Variants in TOGARAM1 observed in about 807,000 individuals in gnomAD.
The protein encoded by TOGARAM1 is TOG array regulator of axonemal microtubules protein 1.
Under a neutral mutation model 166.6 loss-of-function variants are expected in TOGARAM1, and 100 were observed. The observed-to-expected ratio is 0.60, with a 90% CI of 0.51 to 0.71. The LOEUF is 0.71. TOGARAM1 is among the 30% of genes least tolerant of loss of function. The pLI is 0.00. For missense variants in TOGARAM1, 2,029 were observed against 2,102.7 expected, an observed-to-expected ratio of 0.96 and a Z score of 0.69; for synonymous variants, 758 against 763.8, an observed-to-expected ratio of 0.99 and a Z score of 0.13.
chr14:45,068,399 A>T (rs1883229047), intron 17 of TOGARAM1, 25 bp from the exon 18 acceptor site: 1 of 1,507,190 alleles, frequency 6.6e-7, no homozygotes, highest in Non-Finnish European at 9.1e-7. Context: ...ATTTTACTTT[A>T]AATAATTTAC....
intron 7 of TOGARAM1, among the ~76,000 whole-genome samples, chr14:45,019,331 A>G (rs540893386): frequency 6.6e-6 from 1 of 151,964 alleles, no homozygotes; most frequent in African/African-American, 2.4e-5. Flanking sequence ...TCTTATTTTC[A>G]TTCCTCTTAA....
Position 45,004,236 on chromosome 14 carries a change from G to A in TOGARAM1, c.2514G>A (p.Lys838=), listed in dbSNP as rs201409623. 23 of 1,613,930 alleles carry A rather than the reference G, an allele frequency of 1.4e-5. No individual in the cohort carries two copies. In the East Asian group the frequency reaches 4.9e-4, roughly 34 times the overall value. Reference sequence around the variant, plus strand: ...CATCTCCTCTTATTATATCTCCAAAGAAGTCTCAAGATAATTCTGTTAATT... The same window carrying A: ...CATCTCCTCTTATTATATCTCCAAAAAAGTCTCAAGATAATTCTGTTAATT... The part of the protein sequence containing the change: ...KHTSPLIISP[K]KSQDNSVNFS... Residue 838 remains lysine, a synonymous_variant, in exon 4 of 20, where the codon AAG becomes AAA. Transcript: ENST00000361462.
chr14:45,070,882 A>G (rs958850197), intron 18 of TOGARAM1, among the ~76,000 whole-genome samples: 4 of 152,154 alleles, frequency 2.6e-5, no homozygotes, highest in African/African-American at 9.7e-5. Context: ...AAAAAAATTC[A>G]GTAAATGTAA....
At chr14:45,001,060 C>T (rs1185551996) in intron 3 of TOGARAM1, among the ~76,000 whole-genome samples, 1 of 152,150 alleles carries the variant, frequency 6.6e-6, no homozygotes, top group African/African-American at 2.4e-5. Flanking sequence ...AACTTCCTTG[C>T]TGTTTTCTAT....
chr14:45,003,201 A>C (rs1255504612), intron 3 of TOGARAM1, among the ~76,000 whole-genome samples: 1 of 152,176 alleles, frequency 6.6e-6, no homozygotes, highest in Non-Finnish European at 1.5e-5. Context: ...TTAAAAAAAT[A>C]AAGGATATAT....
In TOGARAM1 at chr14:45,073,322, A is replaced by G; in HGVS notation, c.5083A>G (p.Lys1695Glu). ...TATTGTTACGGAACTTTATCAAAGG[A>G]AGCCGCATGCCACAGAGCAGAAAGT... ...ADIVTELYQR[K>E]PHATEQKVLV... is the part of the protein sequence containing the mutation. The change falls in exon 20 of 20, where the codon AAG (lysine) becomes GAG (glutamate). Residue 1695 changes from lysine to glutamate, a missense_variant. Lys to Glu is a moderately conservative substitution (Grantham distance 56). This residue lies in a region of TOGARAM1 where 576 missense variants were observed against 670.5 expected (regional missense o/e 0.86). Coordinates refer to ENST00000361462, the MANE Select transcript of TOGARAM1 (RefSeq NM_001308120.2). 6.2e-7 allele frequency: 1 copy of G among 1,613,264 alleles called. No homozygotes were observed. The highest frequency in any genetic ancestry group is 8.5e-7 in the Non-Finnish European group (1 of 1,179,642).
intron 18 of TOGARAM1, among the ~76,000 whole-genome samples, chr14:45,070,570 A>C (rs1365024137): frequency 6.6e-6 from 1 of 152,192 alleles, no homozygotes; most frequent in Admixed American, 6.5e-5. Flanking sequence ...TCTCTAGCTT[A>C]CTTTTTTGTA....
chr14:45,022,456 T>C (rs935236251), intron 7 of TOGARAM1, among the ~76,000 whole-genome samples: 24 of 151,380 alleles, frequency 1.6e-4, no homozygotes, highest in African/African-American at 5.6e-4. Context: ...TCACAGGCCC[T>C]GACTATCTGC....
intron 16 of TOGARAM1, 87 bp downstream of exon 16, chr14:45,054,636 G>T (rs939212780): frequency 1.7e-5 from 15 of 908,152 alleles, no homozygotes; most frequent in Admixed American, 5.1e-5. Flanking sequence ...TACCCCAGGG[G>T]TATTTGCCAA....
chr14:45,059,711 T>C (rs1882811257), intron 16 of TOGARAM1, among the ~76,000 whole-genome samples: 1 of 152,120 alleles, frequency 6.6e-6, no homozygotes, highest in Non-Finnish European at 1.5e-5. Flanking sequence ...TGAAAAATTA[T>C]ACGAATACAT....
intron 7 of TOGARAM1, among the ~76,000 whole-genome samples, chr14:45,017,137 G>A (rs1880195165): frequency 6.6e-6 from 1 of 152,202 alleles, no homozygotes; most frequent in Admixed American, 6.5e-5. Context: ...TAATTTTTAA[G>A]GTTGAATATC....
At chr14:45,005,546 G>A (rs551794228) in intron 4 of TOGARAM1, among the ~76,000 whole-genome samples, 90 of 152,202 alleles carry the variant, frequency 5.9e-4, no homozygotes, top group Middle Eastern at 6.8e-3. Flanking sequence ...CCCAGGAAGC[G>A]GAGGTTGCAG....
At chr14:45,003,940 A>G (rs1887813966) in intron 3 of TOGARAM1, 121 bp from the exon 4 acceptor site, 6 of 686,900 alleles carry the variant, frequency 8.7e-6, no homozygotes, top group Admixed American at 6.0e-5. Context: ...ACCTCATACC[A>G]TACAAAAATA....
At chr14:45,026,960 A>G (rs2138906691) in intron 8 of TOGARAM1, among the ~76,000 whole-genome samples, 1 of 152,224 alleles carries the variant, frequency 6.6e-6, no homozygotes, top group Non-Finnish European at 1.5e-5. Context: ...ATGAGCCGAG[A>G]TTGTGCCATT....
chr14:45,043,572 C>G, intron 11 of TOGARAM1, 114 bp from the exon 12 acceptor site: 1 of 688,420 alleles, frequency 1.5e-6, no homozygotes, highest in East Asian at 2.6e-5. Flanking sequence ...GCCTTTCTCA[C>G]CTTTCTGAAC....
chr14:45,013,811 T>C (rs1439202807), intron 7 of TOGARAM1, among the ~76,000 whole-genome samples: 1 of 152,160 alleles, frequency 6.6e-6, no homozygotes, highest in East Asian at 1.9e-4. Flanking sequence ...TTCTGTAAAA[T>C]TGAAGAGACA....
At chr14:45,009,180 C>A (rs1879645457) in intron 6 of TOGARAM1, 35 bp downstream of exon 6, 1 of 1,489,494 alleles carries the variant, frequency 6.7e-7, no homozygotes, top group Non-Finnish European at 9.3e-7. Flanking sequence ...ATGAATGTTC[C>A]TCTGTAATTA....
At chr14:44,979,442 T>C (rs1886408077) in intron 1 of TOGARAM1, among the ~76,000 whole-genome samples, 1 of 152,136 alleles carries the variant, frequency 6.6e-6, no homozygotes, top group South Asian at 2.1e-4. Context: ...ACTAATCCCA[T>C]ACTTGAGGGT....
At chr14:45,016,679 G>A (rs777936044) in intron 7 of TOGARAM1, among the ~76,000 whole-genome samples, 32 of 152,100 alleles carry the variant, frequency 2.1e-4, no homozygotes, top group Non-Finnish European at 3.7e-4. Context: ...TTACAGATGC[G>A]ATTCACCATA....
Sources: gnomAD v4.1 joint callset for allele counts (sites outside exome capture counted in the v4.1 genomes callset) on GRCh38, gnomAD v4.1.1 for gene constraint, gnomAD v4.1.1 regional missense constraint, MANE v1.5 for transcripts, NCBI Gene and HGNC (gene_info 2026-07-23, HGNC 2026-07-21) for gene names.